The following SNX31 variants were observed in gnomAD, a reference collection of about 807,000 sequenced individuals.
SNX31 encodes sorting nexin 31, also known as sorting nexin-31.
Under a neutral mutation model 65.4 loss-of-function variants are expected in SNX31, and 58 were observed. That is an observed-to-expected ratio of 0.89 (90% confidence interval 0.72 to 1.10). The LOEUF (loss-of-function observed/expected upper bound fraction) is 1.10, where lower values mean the gene tolerates loss of function less well. Ranked by LOEUF, SNX31 falls within the 50% of genes least tolerant of loss-of-function variation. SNX31 has a pLI of 0.00. For synonymous variants in SNX31, 181 were observed against 190.1 expected (o/e 0.95, Z 0.39); for missense variants, 523 against 529.7 (o/e 0.99, Z 0.12).
rs1380862045 is a variant in SNX31, at chr8:100,609,304, T to G, written c.612-741A>C. On this transcript the variant is annotated intron_variant, in intron 7 of 13. Coordinates refer to ENST00000311812, the MANE Select transcript of SNX31 (RefSeq NM_152628.4). This position sits in a 1 kb window ranked among gnomAD's most constrained non-coding sequence, Gnocchi z 4.9. ...AAGCCTTATGCAGTGCCCCCTCCTC[T>G]GGTCCCTACTCCCCAAGGCTGTATT... Among the ~76,000 whole-genome samples, 1 of 152,176 alleles carries G rather than the reference T, an allele frequency of 6.6e-6. No homozygotes were observed.
chr8:100,603,268 A>T (rs1296612799), intron 8 of SNX31, among the ~76,000 whole-genome samples: 2 of 152,168 alleles, frequency 1.3e-5, no homozygotes, highest in African/African-American at 4.8e-5. Flanking sequence ...GGCTGTTGGC[A>T]CAGGGGAACA....
At chr8:100,606,942 G>A (rs867090633) in intron 8 of SNX31, among the ~76,000 whole-genome samples, 5 of 152,280 alleles carry the variant, frequency 3.3e-5, no homozygotes, top group African/African-American at 7.2e-5. Flanking sequence ...CATCGTGCCC[G>A]GAACAATTCC....
chr8:100,659,437 T>C (rs955819794), intron 1 of SNX31, among the ~76,000 whole-genome samples: 2 of 151,834 alleles, frequency 1.3e-5, no homozygotes, highest in Admixed American at 1.3e-4. Flanking sequence ...GCAAGACATT[T>C]CTGAGGCTGT....
In SNX31 at chr8:100,588,999, A is replaced by G; in HGVS notation, c.979-20T>C. Reference sequence around the variant, plus strand: ...AGTTCCCTACAAAGGAAAATATTTTATATTCAATGTAAATTTAAATGCCTA... The same window carrying G: ...AGTTCCCTACAAAGGAAAATATTTTGTATTCAATGTAAATTTAAATGCCTA... On this transcript the variant is annotated intron_variant, in intron 10 of 13. Coordinates refer to ENST00000311812, the MANE Select transcript of SNX31 (RefSeq NM_152628.4). The surrounding 1 kb of genome is among the most constrained non-coding windows in gnomAD (Gnocchi z 4.8). The G allele has an allele frequency of 6.3e-7, 1 of 1,582,930 alleles. No individual in the cohort carries two copies. The highest frequency in any genetic ancestry group is 8.7e-7 in the Non-Finnish European group (1 of 1,153,590).
At chr8:100,638,265 G>A (rs1818917586) in intron 2 of SNX31, among the ~76,000 whole-genome samples, 1 of 152,198 alleles carries the variant, frequency 6.6e-6, no homozygotes, top group Non-Finnish European at 1.5e-5. Flanking sequence ...CTAGAACTGT[G>A]CCATCTAATA....
At position 100,622,031 on chromosome 8, in the gene SNX31, A is replaced by G. The variant is rs73699434; in HGVS notation, c.322-4301T>C. On this transcript the variant is annotated intron_variant, in intron 4 of 13. Coordinates refer to ENST00000311812, the MANE Select transcript of SNX31 (RefSeq NM_152628.4). The surrounding 1 kb of genome is among the most constrained non-coding windows in gnomAD (Gnocchi z 5.0). Reference sequence around the variant, plus strand: ...AAGTGGGAGGCAGCCAACCTTCCACAACTTTTTAGTTAAATAAACAAATTT... The same window carrying G: ...AAGTGGGAGGCAGCCAACCTTCCACGACTTTTTAGTTAAATAAACAAATTT... Among the ~76,000 whole-genome samples, 28,781 of 152,192 alleles carry G rather than the reference A, an allele frequency of 0.19. 3,648 individuals carry two copies. The highest frequency in any genetic ancestry group is 0.36 in the African/African-American group (14,875 of 41,488).
intron 12 of SNX31, among the ~76,000 whole-genome samples, chr8:100,581,828 C>T (rs1256970496): frequency 1.3e-5 from 2 of 152,122 alleles, no homozygotes; most frequent in Non-Finnish European, 2.9e-5. Context: ...TGACTTTAAT[C>T]GACTGTACTT....
At chr8:100,653,922 C>T (rs1820015083), upstream of SNX31, among the ~76,000 whole-genome samples, 1 of 152,236 alleles carries the variant, frequency 6.6e-6, no homozygotes, top group Non-Finnish European at 1.5e-5. Flanking sequence ...CTATGCAGCA[C>T]TCACTCTTGG....
chr8:100,575,524 C>T lies in SNX31; in HGVS notation c.1227+1495G>A, dbSNP rs1812977187. On this transcript the variant is annotated intron_variant, in intron 13 of 13. Transcript: ENST00000311812. The surrounding 1 kb of genome is among the most constrained non-coding windows in gnomAD (Gnocchi z 5.1). Reference sequence around the variant, plus strand: ...AGTTACCACTCATCCGAGAGGACAACTGAACTGATCACAGTTGTGCTGAGT... The same window carrying T: ...AGTTACCACTCATCCGAGAGGACAATTGAACTGATCACAGTTGTGCTGAGT... Among the ~76,000 whole-genome samples the T allele has an allele frequency of 1.3e-5, 2 of 152,200 alleles. No individual in the cohort carries two copies. Among genetic ancestry groups the T allele is most frequent in the South Asian group, 4.1e-4 (2 of 4,826 alleles).
rs1816511260 is a variant in SNX31, at chr8:100,609,494, G to T, written c.612-931C>A. ...GATTTGCAAATAGCAGGGGCTCCGT[G>T]TCTGCCTGTCAGATCCAGAATCACG... is the stretch of plus-strand genomic sequence containing the variant. On this transcript the variant is annotated intron_variant, in intron 7 of 13. Transcript: ENST00000311812. The surrounding 1 kb of genome is among the most constrained non-coding windows in gnomAD (Gnocchi z 4.9). 6.6e-6 allele frequency among the ~76,000 whole-genome samples: 1 copy of T among 152,192 alleles called. No individual in the cohort carries two copies. Among genetic ancestry groups the T allele is most frequent in the African/African-American group, 2.4e-5 (1 of 41,426 alleles).
intron 12 of SNX31, among the ~76,000 whole-genome samples, chr8:100,577,995 T>C (rs889134270): frequency 2.6e-5 from 4 of 152,236 alleles, no homozygotes; most frequent in African/African-American, 7.2e-5. Flanking sequence ...ATATAGCTAA[T>C]GAGCTTTTTA....
chr8:100,620,134 A>G (rs1404341955), intron 4 of SNX31: 1 of 152,188 alleles, frequency 6.6e-6, no homozygotes, highest in East Asian at 1.9e-4. Flanking sequence ...TTTGGGGTAC[A>G]ATTGATCGCA....
At chr8:100,639,073 C>A (rs1281472030) in intron 2 of SNX31, among the ~76,000 whole-genome samples, 1 of 152,126 alleles carries the variant, frequency 6.6e-6, no homozygotes, top group African/African-American at 2.4e-5. Flanking sequence ...ATAACTGAAA[C>A]ACATGGAGTT....
chr8:100,618,228 A>G lies in SNX31; in HGVS notation c.322-498T>C, dbSNP rs559168581. On this transcript the variant is annotated intron_variant, in intron 4 of 13. Coordinates refer to ENST00000311812, the MANE Select transcript of SNX31 (RefSeq NM_152628.4). ...ATAGTGGAGGCAAGGCAAAGGAGTA[A>G]CATGAAGCTTAAAGAACTTCCAAGT... 1.0e-5 allele frequency: 15 copies of G among 1,439,814 alleles called. 1 individual carries two copies. The South Asian group carries it at 1.9e-4, about 18-fold the overall frequency. The allele number at this position is 1,439,814 out of a possible 1,614,324, so 89.2% of individuals were successfully genotyped here.
chr8:100,655,482 C>T (rs1368801624), intron 1 of SNX31, among the ~76,000 whole-genome samples: 2 of 152,078 alleles, frequency 1.3e-5, no homozygotes, highest in African/African-American at 4.8e-5. Context: ...GTGGTGAATA[C>T]GTCTCACAAG....
At chr8:100,636,609 T>C (rs950436585) in intron 2 of SNX31, among the ~76,000 whole-genome samples, 2 of 152,272 alleles carry the variant, frequency 1.3e-5, no homozygotes, top group Non-Finnish European at 2.9e-5. Flanking sequence ...ATTTTGGATA[T>C]ATTGAATTAA....
intron 9 of SNX31, among the ~76,000 whole-genome samples, chr8:100,598,850 C>A (rs1272291002): frequency 6.6e-6 from 1 of 152,222 alleles, no homozygotes; most frequent in African/African-American, 2.4e-5. Context: ...AACACAAAAG[C>A]AGCCTTAGAC....
At chr8:100,577,554 G>T (rs1337223422) in intron 12 of SNX31, among the ~76,000 whole-genome samples, 3 of 152,202 alleles carry the variant, frequency 2.0e-5, no homozygotes, top group African/African-American at 7.2e-5. Context: ...AACAGATGGT[G>T]CAATCTTGGG....
rs967397567 is a variant in SNX31 at position 100,610,056 on chromosome 8, C to T, written c.612-1493G>A. Among the ~76,000 whole-genome samples the T allele has an allele frequency of 6.6e-6, 1 of 152,240 alleles. No homozygotes were observed. The highest frequency in any genetic ancestry group is 1.5e-5 in the Non-Finnish European group (1 of 68,042). On this transcript the variant is annotated intron_variant, in intron 7 of 13. Transcript: ENST00000311812. This position sits in a 1 kb window ranked among gnomAD's most constrained non-coding sequence, Gnocchi z 4.0. Reference sequence around the variant, plus strand: ...CTCTGGAAAGAGGGCAAGGCACCTGCAGGAGCCTATGCCAGAATCTCCCCT... The same window carrying T: ...CTCTGGAAAGAGGGCAAGGCACCTGTAGGAGCCTATGCCAGAATCTCCCCT...
Sources: gnomAD v4.1 joint callset for allele counts (sites outside exome capture counted in the v4.1 genomes callset) on GRCh38, gnomAD v4.1.1 for gene constraint, Gnocchi (gnomAD v3.1) non-coding constraint, MANE v1.5 for transcripts, NCBI Gene and HGNC (gene_info 2026-07-23, HGNC 2026-07-21) for gene names.